Variants in ZNF273 observed in about 807,000 individuals in gnomAD.
ZNF273 encodes zinc finger protein 9.
Under a neutral mutation model 14.9 loss-of-function variants are expected in ZNF273, and 11 were observed. The observed-to-expected ratio is 0.74, with a 90% CI of 0.46 to 1.22. The LOEUF is 1.22. Ranked by LOEUF, ZNF273 falls within the 50% of genes most tolerant of loss-of-function variation. ZNF273 has a pLI of 0.00. For synonymous variants in ZNF273, 199 were observed against 223.9 expected, an observed-to-expected ratio of 0.89 and a Z score of 0.99; for missense variants, 577 against 660.6, an observed-to-expected ratio of 0.87 and a Z score of 1.39.
intron 1 of ZNF273, among the ~76,000 whole-genome samples, chr7:64,905,617 T>TA (rs553742703): frequency 1.6e-4 from 25 of 151,672 alleles, no homozygotes; most frequent in African/African-American, 2.7e-4. Flanking sequence ...CCAAAAAAAC[T>TA]AAAAAAAACT....
downstream of ZNF273, among the ~76,000 whole-genome samples, chr7:64,890,330 A>G (rs1791929542): frequency 6.6e-6 from 1 of 152,046 alleles, no homozygotes; most frequent in Non-Finnish European, 1.5e-5. Flanking sequence ...ACAGAGTCAC[A>G]GGCTGGCTGG....
At chr7:64,883,221 C>A (rs906763189), downstream of ZNF273, among the ~76,000 whole-genome samples, 3 of 147,618 alleles carry the variant, frequency 2.0e-5, no homozygotes, top group East Asian at 2.1e-4. Flanking sequence ...ACCACCCCCC[C>A]CTCACCAAGC....
chr7:64,910,834 C>T (rs535477992), intron 1 of ZNF273, among the ~76,000 whole-genome samples: 178 of 145,434 alleles, frequency 1.2e-3, no homozygotes, highest in African/African-American at 4.0e-3. Context: ...GGTGCAATCT[C>T]GACTCACTGC....
upstream of ZNF273, among the ~76,000 whole-genome samples, chr7:64,899,087 T>G (rs1460058029): frequency 2.0e-5 from 3 of 152,346 alleles, no homozygotes; most frequent in East Asian, 5.8e-4. Context: ...TGTATTGCCT[T>G]GGAAACCCTA....
intron 1 of ZNF273, among the ~76,000 whole-genome samples, chr7:64,887,718 TTGAACTCC>T (rs1031070900): frequency 1.3e-5 from 2 of 152,152 alleles, no homozygotes; most frequent in African/African-American, 4.8e-5. Flanking sequence ...CAGGCTGGTC[TTGAACTCC>T]TGACCTCATG....
chr7:64,920,945 G>A (rs2129089974), intron 3 of ZNF273, among the ~76,000 whole-genome samples: 1 of 152,104 alleles, frequency 6.6e-6, no homozygotes, highest in Non-Finnish European at 1.5e-5. Context: ...TTGTTGTGAG[G>A]GGATAAATGA....
chr7:64,916,464 G>A (rs1320566876), intron 1 of ZNF273, among the ~76,000 whole-genome samples: 1 of 141,988 alleles, frequency 7.0e-6, no homozygotes, highest in African/African-American at 2.6e-5. Flanking sequence ...AGAATCGCTT[G>A]AATTCGGGAG....
At chr7:64,936,186 G>T in the ZNF273 span, among the ~76,000 whole-genome samples, 24 of 152,248 alleles carry the variant, frequency 1.6e-4, no homozygotes, top group African/African-American at 5.8e-4. Flanking sequence ...TGCAAATCTG[G>T]TCTTTCAATT....
chr7:64,889,539 G>A, downstream of ZNF273: 2 of 985,838 alleles, frequency 2.0e-6, no homozygotes, highest in Non-Finnish European at 1.2e-6. This position sits in a 1 kb window ranked among gnomAD's most constrained non-coding sequence, Gnocchi z 4.2. Context: ...GTGCCACGCG[G>A]TCCTCTACGG....
At chr7:64,936,874 G>A in the ZNF273 span, among the ~76,000 whole-genome samples, 2 of 152,172 alleles carry the variant, frequency 1.3e-5, no homozygotes, top group Admixed American at 1.3e-4. Flanking sequence ...AAGTGAAGAA[G>A]GCATTGAAAT....
At chr7:64,884,224 A>C (rs1033405935), downstream of ZNF273, among the ~76,000 whole-genome samples, 2 of 152,088 alleles carry the variant, frequency 1.3e-5, no homozygotes, top group Admixed American at 6.6e-5. Context: ...GCTGCACTCC[A>C]GGTTGTGGGT....
upstream of ZNF273, among the ~76,000 whole-genome samples, chr7:64,899,078 G>A (rs1230581926): frequency 6.6e-6 from 1 of 152,168 alleles, no homozygotes; most frequent in Non-Finnish European, 1.5e-5. Context: ...GAAAATTCTT[G>A]TATTGCCTTG....
chr7:64,903,337 G>A lies in ZNF273; in HGVS notation c.20G>A (p.Gly7Asp). 1 of 1,613,184 alleles carries A rather than the reference G, an allele frequency of 6.2e-7. No individual in the cohort carries two copies. Among genetic ancestry groups the A allele is most frequent in the Non-Finnish European group, 8.5e-7 (1 of 1,179,358 alleles). Residue 7 changes from glycine to aspartate, a missense_variant, in exon 1 of 4, where the codon GGT (glycine) becomes GAT (aspartate). Physicochemically the swap from Gly to Asp is moderately conservative, Grantham distance 94. Coordinates refer to ENST00000476120, the MANE Select transcript of ZNF273 (RefSeq NM_021148.3). ...TGCTCTATGTCCTCTGCTCCTAGAGGTCCACCTTCTGTGGCCCCGTTACCT... is the reference window on the plus strand; with the variant it reads ...TGCTCTATGTCCTCTGCTCCTAGAGATCCACCTTCTGTGGCCCCGTTACCT... Reference protein sequence around the residue: MSSAPRGPPSVAPLPAG... With the variant: MSSAPRDPPSVAPLPAG...
intron 3 of ZNF273, among the ~76,000 whole-genome samples, chr7:64,927,043 T>G (rs35332997): frequency 0.38 from 57,928 of 152,046 alleles, 11,413 homozygotes; most frequent in South Asian, 0.44. Context: ...AATGAATATG[T>G]GTGTGCCACT....
intron 1 of ZNF273, among the ~76,000 whole-genome samples, chr7:64,914,185 T>A (rs1420368773): frequency 9.1e-6 from 1 of 109,584 alleles, no homozygotes; most frequent in Admixed American, 9.4e-5. Context: ...TTTTTGTATT[T>A]TTTTTTTTTT....
chr7:64,916,561 A>C (rs1357573197), intron 1 of ZNF273, among the ~76,000 whole-genome samples: 1 of 151,358 alleles, frequency 6.6e-6, no homozygotes, highest in Non-Finnish European at 1.5e-5. Flanking sequence ...AAAAAAAAAA[A>C]AAAACCATAC....
downstream of ZNF273, among the ~76,000 whole-genome samples, chr7:64,935,105 A>G (rs1795049422): frequency 6.6e-6 from 1 of 152,182 alleles, no homozygotes; most frequent in Non-Finnish European, 1.5e-5. Flanking sequence ...TTGTGTAGAA[A>G]TGCTACTGAC....
the ZNF273 span, among the ~76,000 whole-genome samples, chr7:64,936,735 G>A: frequency 2.6e-5 from 4 of 152,096 alleles, no homozygotes; most frequent in African/African-American, 7.2e-5. Flanking sequence ...ATAGAAAACC[G>A]GTACTTTGTG....
downstream of ZNF273, among the ~76,000 whole-genome samples, chr7:64,935,568 G>C (rs533239850): frequency 1.1e-3 from 169 of 152,182 alleles, no homozygotes; most frequent in Non-Finnish European, 1.7e-3. Flanking sequence ...TGTCACCTAT[G>C]CTGGAGTGCA....
Sources: gnomAD v4.1 joint callset for allele counts (sites outside exome capture counted in the v4.1 genomes callset) on GRCh38, gnomAD v4.1.1 for gene constraint, Gnocchi (gnomAD v3.1) non-coding constraint, MANE v1.5 for transcripts, NCBI Gene and HGNC (gene_info 2026-07-23, HGNC 2026-07-21) for gene names.